ANGPT2: variants seen among roughly 807,000 people sequenced by gnomAD.
ANGPT2 encodes angiopoietin-2.
ANGPT2 carries 28 observed loss-of-function variants against 62.9 expected under a neutral mutation model. That is an observed-to-expected ratio of 0.44 (90% CI 0.33 to 0.61). ANGPT2 has a LOEUF of 0.61. Ranked by LOEUF, ANGPT2 falls within the 20% of genes least tolerant of loss-of-function variation. ANGPT2 has a pLI of 0.03. For synonymous variants in ANGPT2, 284 were observed against 207.8 expected (o/e 1.37, Z -3.15); for missense variants, 727 against 594.9 (o/e 1.22, Z -2.31).
At chr8:6,547,034 A>G (rs780473712) in intron 1 of ANGPT2, among the ~76,000 whole-genome samples, 3 of 152,106 alleles carry the variant, frequency 2.0e-5, no homozygotes, top group South Asian at 4.1e-4. Context: ...TTCTCAGAGC[A>G]ACATGCACGT....
intron 8 of ANGPT2, among the ~76,000 whole-genome samples, chr8:6,505,037 G>C (rs1167962057): frequency 6.6e-6 from 1 of 151,318 alleles, no homozygotes; most frequent in Non-Finnish European, 1.5e-5. Flanking sequence ...AATTATGATT[G>C]ATATCTCCAT....
chr8:6,542,239 A>G (rs1563095965), intron 1 of ANGPT2, among the ~76,000 whole-genome samples: 1 of 152,156 alleles, frequency 6.6e-6, no homozygotes, highest in Non-Finnish European at 1.5e-5. Context: ...AATCTTATGT[A>G]TATCTGTCTA....
At chr8:6,504,241 C>G (rs1027481718) in intron 8 of ANGPT2, among the ~76,000 whole-genome samples, 1 of 146,322 alleles carries the variant, frequency 6.8e-6, no homozygotes, top group African/African-American at 2.6e-5. Context: ...TGGCGTGAAC[C>G]CGGGAGGCGG....
In ANGPT2 at chr8:6,509,172, G is replaced by A. The variant is rs759123482; in HGVS notation, c.1197-110C>T. 395 of 1,367,782 alleles carry A rather than the reference G, an allele frequency of 2.9e-4. 3 individuals are homozygous for A. The highest frequency in any genetic ancestry group is 2.4e-3 in the South Asian group (177 of 72,426). 84.7% of individuals were successfully genotyped at this position (1,367,782 alleles called of 1,614,324 possible). ...TTCTACAGAAGCGTGTTCTGTACTC[G>A]TTAATGGACTAATGCATACTCTGGA... On this transcript the variant is annotated intron_variant, in intron 7 of 8. Transcript: ENST00000629816.
rs145581363 is a variant in ANGPT2, at chr8:6,530,401, C to T, written c.444+1931G>A. Among the ~76,000 whole-genome samples, 591 of 150,614 alleles carry T rather than the reference C, an allele frequency of 3.9e-3. 1 individual carries two copies. The highest frequency in any genetic ancestry group is 0.014 in the African/African-American group (558 of 41,048). On this transcript the variant is annotated intron_variant, in intron 2 of 8. Transcript: ENST00000629816. ...GCCTGCACCTGTAATCCCAGCTACG[C>T]GGGAGGCTAAGGCACGAGAATCGCT...
chr8:6,513,687 A>C lies in ANGPT2; in HGVS notation c.1187T>G (p.Leu396Arg). ...YEHFYLSSEELNYRIHLKGLT... is the reference protein window; with the variant it reads ...YEHFYLSSEERNYRIHLKGLT... Reference sequence around the variant, plus strand: ...CCATGAACTCACTTACCTATAATTGAGTTCTTCACTTGAGAGATAGAAATG... The same window carrying C: ...CCATGAACTCACTTACCTATAATTGCGTTCTTCACTTGAGAGATAGAAATG... Residue 396 changes from leucine to arginine, a missense_variant, in exon 7 of 9, where the codon CTC (leucine) becomes CGC (arginine). Leu to Arg is a moderately radical substitution (Grantham distance 102). Coordinates refer to ENST00000629816, the MANE Select transcript of ANGPT2 (RefSeq NM_001118887.2). The C allele has an allele frequency of 6.2e-7, 1 of 1,609,004 alleles. No homozygotes were observed. The highest frequency in any genetic ancestry group is 8.5e-7 in the Non-Finnish European group (1 of 1,178,576).
At chr8:6,556,329 C>T (rs1824600608) in intron 1 of ANGPT2, among the ~76,000 whole-genome samples, 2 of 152,060 alleles carry the variant, frequency 1.3e-5, no homozygotes, top group Admixed American at 1.3e-4. Flanking sequence ...GTATATTCTC[C>T]ATTTTTTGCA....
intron 7 of ANGPT2, among the ~76,000 whole-genome samples, chr8:6,512,111 C>A (rs1352060034): frequency 6.6e-6 from 1 of 152,074 alleles, no homozygotes; most frequent in Non-Finnish European, 1.5e-5. Flanking sequence ...AGAGCCTGAT[C>A]TTTCCATAAT....
intron 1 of ANGPT2, among the ~76,000 whole-genome samples, chr8:6,556,102 A>T (rs1273445422): frequency 6.6e-6 from 1 of 151,956 alleles, no homozygotes; most frequent in East Asian, 1.9e-4. Flanking sequence ...TGCTGCCAAG[A>T]CTAACCAAGG....
intron 1 of ANGPT2, among the ~76,000 whole-genome samples, chr8:6,548,896 T>G (rs1411980420): frequency 6.6e-6 from 1 of 152,250 alleles, no homozygotes; most frequent in Admixed American, 6.5e-5. Context: ...CATCACTTTT[T>G]AGCTGCCTGT....
chr8:6,506,489 C>G (rs1300219684), intron 8 of ANGPT2, among the ~76,000 whole-genome samples: 1 of 152,272 alleles, frequency 6.6e-6, no homozygotes, highest in South Asian at 2.1e-4. Context: ...CTGAGAAGCT[C>G]AGCACATACG....
chr8:6,552,278 G>T (rs1823780263), intron 1 of ANGPT2, among the ~76,000 whole-genome samples: 1 of 152,200 alleles, frequency 6.6e-6, no homozygotes, highest in South Asian at 2.1e-4. Flanking sequence ...CTGAAGGGAT[G>T]AAATTACATA....
chr8:6,546,668 G>A (rs1341955473), intron 1 of ANGPT2, among the ~76,000 whole-genome samples: 4 of 152,136 alleles, frequency 2.6e-5, no homozygotes, highest in African/African-American at 9.7e-5. Context: ...GAGATAAATA[G>A]AGAAAAAATA....
chr8:6,536,966 G>C (rs1820610032), intron 1 of ANGPT2, among the ~76,000 whole-genome samples: 1 of 134,126 alleles, frequency 7.5e-6, no homozygotes, highest in Non-Finnish European at 1.6e-5. Context: ...GGAAGTCTTA[G>C]TACAAGAAAA....
At chr8:6,551,211 G>A (rs942074355) in intron 1 of ANGPT2, among the ~76,000 whole-genome samples, 1 of 151,212 alleles carries the variant, frequency 6.6e-6, no homozygotes, top group African/African-American at 2.4e-5. Context: ...GTTAAGCTGA[G>A]AGGGCTGCTT....
At chr8:6,558,698 C>T (rs1009785150) in intron 1 of ANGPT2, among the ~76,000 whole-genome samples, 1 of 152,052 alleles carries the variant, frequency 6.6e-6, no homozygotes, top group Non-Finnish European at 1.5e-5. Context: ...TTTCCTAGTT[C>T]TAAACTCTGC....
intron 5 of ANGPT2, among the ~76,000 whole-genome samples, chr8:6,517,949 A>G (rs1329995221): frequency 1.3e-5 from 2 of 152,240 alleles, no homozygotes; most frequent in Non-Finnish European, 2.9e-5. Flanking sequence ...CCTGCTGTGT[A>G]AATGAGTTTC....
At chr8:6,503,414 G>A (rs1812595510) in intron 8 of ANGPT2, among the ~76,000 whole-genome samples, 153 bp from the exon 9 acceptor site, 1 of 152,164 alleles carries the variant, frequency 6.6e-6, no homozygotes, top group Admixed American at 6.5e-5. Context: ...CACTGGCAGA[G>A]GGATTGTTTT....
chr8:6,518,601 T>A lies in ANGPT2; in HGVS notation c.927+1263A>T, dbSNP rs1586302891. On this transcript the variant is annotated intron_variant, in intron 5 of 8. Coordinates refer to ENST00000629816, the MANE Select transcript of ANGPT2 (RefSeq NM_001118887.2). The stretch of plus-strand genomic sequence containing the variant: ...TTCCAGGTCTTTAAAACCCTAATGC[T>A]TGTATTTTTAAAGTGTTTTTCTTTG... 3.9e-5 allele frequency among the ~76,000 whole-genome samples: 6 copies of A among 152,332 alleles called. No individual in the cohort carries two copies. In the South Asian group the frequency reaches 1.2e-3, roughly 32 times the overall value.
Sources: gnomAD v4.1 joint callset for allele counts (sites outside exome capture counted in the v4.1 genomes callset) on GRCh38, gnomAD v4.1.1 for gene constraint, MANE v1.5 for transcripts, NCBI Gene and HGNC (gene_info 2026-07-23, HGNC 2026-07-21) for gene names.